Variants in MECOM observed in about 807,000 individuals in gnomAD.
MECOM encodes the protein histone-lysine N-methyltransferase MECOM.
Under a neutral mutation model 116.3 loss-of-function variants are expected in MECOM, and 13 were observed. The observed-to-expected ratio is 0.11, with a 90% CI of 0.07 to 0.18. The LOEUF (loss-of-function observed/expected upper bound fraction) is 0.18. Among genes scored for constraint, MECOM ranks in the 10% least tolerant of loss-of-function variants. The pLI is 1.00. For synonymous variants in MECOM, 528 were observed against 535.2 expected (o/e 0.99, Z 0.19); for missense variants, 1,299 against 1,509.0 (o/e 0.86, Z 2.31).
chr3:169,368,437 T>C (rs1029031272), intron 2 of MECOM, among the ~76,000 whole-genome samples: 30 of 152,058 alleles, frequency 2.0e-4, no homozygotes, highest in African/African-American at 6.5e-4. Context: ...TAAAAATTTT[T>C]ATTTATCATT....
At chr3:169,272,514 T>C (rs542759283) in intron 2 of MECOM, among the ~76,000 whole-genome samples, 6 of 152,220 alleles carry the variant, frequency 3.9e-5, no homozygotes, top group African/African-American at 1.4e-4. Flanking sequence ...AGAAAAAAAA[T>C]TATATATTAT....
intron 1 of MECOM, among the ~76,000 whole-genome samples, chr3:169,487,504 T>A (rs1211614520): frequency 6.6e-6 from 1 of 151,800 alleles, no homozygotes; most frequent in East Asian, 1.9e-4. Context: ...TTTGTGCTTA[T>A]TTAAGAAAAC....
chr3:169,356,658 T>C (rs1727335115), intron 2 of MECOM, among the ~76,000 whole-genome samples: 1 of 151,958 alleles, frequency 6.6e-6, no homozygotes, highest in African/African-American at 2.4e-5. Context: ...TTAGTTTCTA[T>C]ACTCGCTCAG....
At chr3:169,242,218 C>T (rs996014041) in intron 2 of MECOM, among the ~76,000 whole-genome samples, 1 of 152,062 alleles carries the variant, frequency 6.6e-6, no homozygotes, top group African/African-American at 2.4e-5. Context: ...AATTGATGTC[C>T]ATTTGCATCT....
chr3:169,247,496 G>T (rs945202354), intron 2 of MECOM, among the ~76,000 whole-genome samples: 7 of 152,232 alleles, frequency 4.6e-5, no homozygotes, highest in Middle Eastern at 6.8e-3. Context: ...TAGAGACAGG[G>T]TTTCTCCATG....
intron 1 of MECOM, among the ~76,000 whole-genome samples, chr3:169,605,581 A>G (rs1259652594): frequency 6.6e-6 from 1 of 152,208 alleles, no homozygotes; most frequent in African/African-American, 2.4e-5. Context: ...ACTAAGCAAG[A>G]CAGAAAGAGT....
At chr3:169,435,353 C>T (rs1023409894) in intron 1 of MECOM, among the ~76,000 whole-genome samples, 17 of 152,144 alleles carry the variant, frequency 1.1e-4, no homozygotes, top group Non-Finnish European at 2.4e-4. Flanking sequence ...ACTATCGGCT[C>T]ATACATCACC....
intron 1 of MECOM, among the ~76,000 whole-genome samples, chr3:169,637,492 A>T (rs955210516): frequency 6.6e-6 from 1 of 152,198 alleles, no homozygotes; most frequent in Non-Finnish European, 1.5e-5. Flanking sequence ...GGGTCCCAGG[A>T]ACTTACAGCC....
chr3:169,262,887 C>T (rs1199737802), intron 2 of MECOM, among the ~76,000 whole-genome samples: 1 of 151,410 alleles, frequency 6.6e-6, no homozygotes, highest in African/African-American at 2.4e-5. Flanking sequence ...ATTAAAGATG[C>T]CCCAGGCTGC....
chr3:169,597,990 T>C (rs1212256054), intron 1 of MECOM, among the ~76,000 whole-genome samples: 3 of 152,178 alleles, frequency 2.0e-5, no homozygotes, highest in African/African-American at 7.2e-5. Context: ...TAATTGGCAC[T>C]TCCAGCGTTA....
At chr3:169,636,616 C>A (rs1021267185) in intron 1 of MECOM, among the ~76,000 whole-genome samples, 1 of 152,140 alleles carries the variant, frequency 6.6e-6, no homozygotes, top group South Asian at 2.1e-4. Flanking sequence ...CTCCTGGAAC[C>A]TTTAGACTTT....
At chr3:169,427,901 A>G (rs1040220830) in intron 1 of MECOM, among the ~76,000 whole-genome samples, 1 of 152,230 alleles carries the variant, frequency 6.6e-6, no homozygotes, top group African/African-American at 2.4e-5. Flanking sequence ...GAATGTGGTC[A>G]TAAGGAGGTA....
At position 169,391,641 on chromosome 3, in the gene MECOM, T is replaced by C. The variant is rs1734210262; in HGVS notation, c.38-10117A>G. Among the ~76,000 whole-genome samples the C allele has an allele frequency of 2.0e-5, 3 of 152,338 alleles. No individual in the cohort carries two copies. In the South Asian group the frequency reaches 6.2e-4, roughly 32 times the overall value. On this transcript the variant is annotated intron_variant, in intron 1 of 16. Coordinates refer to ENST00000651503, the MANE Select transcript of MECOM (RefSeq NM_004991.4). ...ATGTTTGCAGAAAAATATGAACAGATGTGCTATGCATATGTGTATACATAC... is the reference window on the plus strand; with the variant it reads ...ATGTTTGCAGAAAAATATGAACAGACGTGCTATGCATATGTGTATACATAC...
At chr3:169,597,318 T>G (rs940873533) in intron 1 of MECOM, among the ~76,000 whole-genome samples, 7 of 152,226 alleles carry the variant, frequency 4.6e-5, no homozygotes, top group African/African-American at 1.7e-4. Flanking sequence ...CTTCCAAGTC[T>G]TTTCCTGAAA....
At chr3:169,223,112 T>C (rs1297412207) in intron 2 of MECOM, among the ~76,000 whole-genome samples, 1 of 126,710 alleles carries the variant, frequency 7.9e-6, no homozygotes, top group Non-Finnish European at 1.7e-5. Context: ...CTGGCAAATT[T>C]CATTTTCAAA....
rs114998902 is a variant in MECOM, at chr3:169,245,252, C to T, written c.376-101420G>A. On this transcript the variant is annotated intron_variant, in intron 2 of 16. Coordinates refer to ENST00000651503, the MANE Select transcript of MECOM (RefSeq NM_004991.4). ...ATAGAAGTATCAATAATGAAATATG[C>T]GAAAAACAACAGAACAGCCACGCTA... is the stretch of plus-strand genomic sequence containing the variant. Among the ~76,000 whole-genome samples the T allele has an allele frequency of 5.3e-3, 798 of 151,890 alleles. 13 individuals carry two copies. Among genetic ancestry groups the T allele is most frequent in the African/African-American group, 0.018 (749 of 41,426 alleles).
At chr3:169,409,027 G>C (rs2108441952) in intron 1 of MECOM, among the ~76,000 whole-genome samples, 1 of 152,160 alleles carries the variant, frequency 6.6e-6, no homozygotes, top group South Asian at 2.1e-4. Flanking sequence ...GAGTAATGTA[G>C]TTTCAGACAT....
intron 1 of MECOM, among the ~76,000 whole-genome samples, chr3:169,633,902 C>CA (rs3045472): frequency 7.3e-6 from 1 of 137,136 alleles, no homozygotes. Flanking sequence ...GTGACCCTGG[C>CA]AAAAAAAAAA....
At chr3:169,633,088 C>A (rs968814419) in intron 1 of MECOM, among the ~76,000 whole-genome samples, 1 of 152,294 alleles carries the variant, frequency 6.6e-6, no homozygotes, top group Non-Finnish European at 1.5e-5. Flanking sequence ...AACACTGAAT[C>A]CTGTGAACAT....
Sources: allele counts gnomAD v4.1 joint callset (sites outside exome capture counted in the v4.1 genomes callset), GRCh38; gene constraint gnomAD v4.1.1; transcripts MANE v1.5; gene names NCBI Gene and HGNC (gene_info 2026-07-23, HGNC 2026-07-21).